The following FAM135B variants were observed in gnomAD, a reference collection of about 807,000 sequenced individuals.
FAM135B encodes protein FAM135B.
In FAM135B, 43 loss-of-function variants were observed where a neutral mutation model predicts 127.7. The ratio of observed to expected loss-of-function variants is 0.34; its 90% CI spans 0.26 to 0.43. The LOEUF (loss-of-function observed/expected upper bound fraction) is 0.43. FAM135B is among the 20% of genes least tolerant of loss of function. FAM135B has a pLI of 1.00. For missense variants in FAM135B, 1,558 were observed against 1,725.6 expected (o/e 0.90, Z 1.72); for synonymous variants, 670 against 665.1 (o/e 1.01, Z -0.11).
At chr8:138,206,369 C>CACAACTTCAGCATCCCCTCCACCTACA (rs1563768852) in intron 7 of FAM135B, among the ~76,000 whole-genome samples, 3 of 38,568 alleles carry the variant, frequency 7.8e-5, no homozygotes, top group Non-Finnish European at 1.1e-4. Flanking sequence ...CTCCACCTAC[C>CACAACTTCAGCATCCCCTCCACCTACA]CACAACTCTA....
In FAM135B at chr8:138,146,799, AT is replaced by A. The variant is rs551857173; in HGVS notation, c.3449-750del. Among the ~76,000 whole-genome samples, 317 of 152,312 alleles carry A rather than the reference AT, an allele frequency of 2.1e-3. 2 individuals carry two copies. Among genetic ancestry groups the A allele is most frequent in the African/African-American group, 7.1e-3 (296 of 41,558 alleles). On this transcript the variant is annotated intron_variant, in intron 14 of 19. Coordinates refer to ENST00000395297, the MANE Select transcript of FAM135B (RefSeq NM_015912.4). ...TAGGGGTTCAATTGTGTCTTAATAA[AT>A]TTTTGTCCTATTTCTTAAAAGTTCC...
In FAM135B at chr8:138,242,167, G is replaced by T. The variant is rs988460985; in HGVS notation, c.669+775C>A. Among the ~76,000 whole-genome samples, 2 of 27,864 alleles carry T rather than the reference G, an allele frequency of 7.2e-5. No individual in the cohort carries two copies. Among genetic ancestry groups the T allele is most frequent in the African/African-American group, 2.8e-4 (2 of 7,268 alleles). The allele number at this position is 27,864 out of a possible 152,430, so 18.3% of individuals were successfully genotyped here. The stretch of plus-strand genomic sequence containing the variant: ...TCAATTACTTATGATAAATCTCTTT[G>T]TGTGTGTGTGTGTGTGTGTGTGTGT... On this transcript the variant is annotated intron_variant, in intron 7 of 19. Transcript: ENST00000395297. This position sits in a 1 kb window ranked among gnomAD's most constrained non-coding sequence, Gnocchi z 9.6.
At chr8:138,363,614 T>C (rs971233152) in intron 2 of FAM135B, among the ~76,000 whole-genome samples, 1 of 152,194 alleles carries the variant, frequency 6.6e-6, no homozygotes, top group Non-Finnish European at 1.5e-5. Context: ...TGAAGGCATG[T>C]TGACTGTTCG....
intron 7 of FAM135B, among the ~76,000 whole-genome samples, chr8:138,205,354 A>G (rs1188787981): frequency 6.6e-6 from 1 of 152,212 alleles, no homozygotes; most frequent in Admixed American, 6.5e-5. Context: ...TTTCATCTCG[A>G]TGCTGAACTT....
At chr8:138,308,381 T>TA (rs371475525) in intron 3 of FAM135B, among the ~76,000 whole-genome samples, 1 of 152,170 alleles carries the variant, frequency 6.6e-6, no homozygotes, top group Non-Finnish European at 1.5e-5. Flanking sequence ...AAGCCATTGT[T>TA]AAAAGTCACA....
At chr8:138,419,315 T>C (rs1834352780) in intron 1 of FAM135B, among the ~76,000 whole-genome samples, 4 of 152,110 alleles carry the variant, frequency 2.6e-5, no homozygotes, top group Admixed American at 2.0e-4. Flanking sequence ...TTAACTATAC[T>C]AAATACATAT....
intron 7 of FAM135B, among the ~76,000 whole-genome samples, chr8:138,225,455 C>CA (rs67074047): frequency 0.046 from 6,339 of 136,932 alleles, 254 homozygotes; most frequent in African/African-American, 0.11. Context: ...GCCAAAAAAA[C>CA]AAAAAAAAAA....
rs1476209594 is a variant in FAM135B, at chr8:138,497,112, C to A, written c.-461G>T. Among the ~76,000 whole-genome samples the A allele has an allele frequency of 6.6e-6, 1 of 151,676 alleles. No homozygotes were observed. The highest frequency in any genetic ancestry group is 2.4e-5 in the African/African-American group (1 of 41,500). On this transcript the variant is annotated 5_prime_UTR_variant, in exon 1 of 20. Transcript: ENST00000395297. Reference sequence around the variant, plus strand: ...CCTCCCGGGCTGCGCTCACCTCTGGCGCCCTCACTCCTCTCCTTCCTCCGC... The same window carrying A: ...CCTCCCGGGCTGCGCTCACCTCTGGAGCCCTCACTCCTCTCCTTCCTCCGC...
At chr8:138,293,972 A>T (rs1202300762) in intron 3 of FAM135B, among the ~76,000 whole-genome samples, 5 of 152,218 alleles carry the variant, frequency 3.3e-5, no homozygotes, top group Non-Finnish European at 5.9e-5. Context: ...CACAATTCAC[A>T]ATTGCAAAGA....
chr8:138,446,505 C>G (rs995796801), intron 1 of FAM135B, among the ~76,000 whole-genome samples: 3 of 152,038 alleles, frequency 2.0e-5, no homozygotes, highest in African/African-American at 7.2e-5. Context: ...ACACTGCATA[C>G]CTACAACTAT....
chr8:138,373,860 T>C (rs1305953085), intron 1 of FAM135B, among the ~76,000 whole-genome samples: 3 of 152,110 alleles, frequency 2.0e-5, no homozygotes. Context: ...TAAATTTTGG[T>C]CAGACCGGTT....
intron 1 of FAM135B, among the ~76,000 whole-genome samples, chr8:138,406,412 G>C (rs963556145): frequency 9.9e-5 from 15 of 151,670 alleles, no homozygotes; most frequent in Admixed American, 8.5e-4. Context: ...TATTTTATGA[G>C]GCCAGCATCA....
intron 6 of FAM135B, among the ~76,000 whole-genome samples, chr8:138,248,603 T>G (rs1034766838): frequency 6.6e-6 from 1 of 152,072 alleles, no homozygotes; most frequent in Non-Finnish European, 1.5e-5. Flanking sequence ...GTGGATTGCT[T>G]GACCTCAGGA....
At chr8:138,199,603 A>C (rs1224523508) in intron 7 of FAM135B, among the ~76,000 whole-genome samples, 1 of 152,190 alleles carries the variant, frequency 6.6e-6, no homozygotes. Context: ...CAGTGCTATA[A>C]AGAAATACGT....
At chr8:138,354,032 A>G (rs1404121896) in intron 2 of FAM135B, among the ~76,000 whole-genome samples, 1 of 152,042 alleles carries the variant, frequency 6.6e-6, no homozygotes, top group Non-Finnish European at 1.5e-5. Context: ...ACAATGCAAA[A>G]ACACCAATTC....
intron 1 of FAM135B, among the ~76,000 whole-genome samples, chr8:138,411,561 A>G (rs1478816118): frequency 6.6e-6 from 1 of 152,216 alleles, no homozygotes; most frequent in East Asian, 1.9e-4. Flanking sequence ...ATTACCATTC[A>G]GGACATAGGC....
intron 6 of FAM135B, among the ~76,000 whole-genome samples, chr8:138,247,878 C>A (rs1180556953): frequency 1.5e-4 from 23 of 152,192 alleles, no homozygotes; most frequent in Admixed American, 1.5e-3. Flanking sequence ...TTTACCATCC[C>A]AAATTCACTT....
At chr8:138,260,415 A>G (rs979477510) in intron 4 of FAM135B, among the ~76,000 whole-genome samples, 2 of 152,058 alleles carry the variant, frequency 1.3e-5, no homozygotes, top group African/African-American at 2.4e-5. Context: ...CAGACCCCCC[A>G]CAGCTAGTGC....
chr8:138,245,466 T>C (rs935470436), intron 6 of FAM135B, among the ~76,000 whole-genome samples: 4 of 152,140 alleles, frequency 2.6e-5, no homozygotes, highest in African/African-American at 9.6e-5. Flanking sequence ...TGAGATCTGA[T>C]GGTTTTATAA....
Sources: allele counts gnomAD v4.1 joint callset (sites outside exome capture counted in the v4.1 genomes callset), GRCh38; gene constraint gnomAD v4.1.1; non-coding constraint Gnocchi (gnomAD v3.1); transcripts MANE v1.5; gene names NCBI Gene and HGNC (gene_info 2026-07-23, HGNC 2026-07-21).